CLSTN2: variants seen among roughly 807,000 people sequenced by gnomAD.
The protein encoded by CLSTN2 is calsyntenin 2, also known as calsyntenin-2.
In CLSTN2, 48 loss-of-function variants were observed where a neutral mutation model predicts 101.2. The observed-to-expected ratio is 0.47, with a 90% CI of 0.38 to 0.60. The LOEUF is 0.60. CLSTN2 is among the 20% of genes least tolerant of loss of function. The probability of loss-of-function intolerance (pLI) is 0.00; values close to 1 mark genes in which losing one functional copy is unlikely to be tolerated. For missense variants in CLSTN2, 1,160 were observed against 1,238.2 expected, an observed-to-expected ratio of 0.94 and a Z score of 0.95; for synonymous variants, 481 against 463.6, an observed-to-expected ratio of 1.04 and a Z score of -0.48.
At chr3:139,972,097 C>G (rs1031877810) in intron 1 of CLSTN2, among the ~76,000 whole-genome samples, 2 of 152,146 alleles carry the variant, frequency 1.3e-5, no homozygotes, top group Non-Finnish European at 2.9e-5. Flanking sequence ...GACCCCACCT[C>G]TACTAAAAAT....
intron 1 of CLSTN2, among the ~76,000 whole-genome samples, chr3:139,985,493 C>T (rs1000990219): frequency 1.4e-4 from 22 of 152,096 alleles, no homozygotes; most frequent in African/African-American, 5.3e-4. Context: ...CGTTTCCTAG[C>T]TGGGGTGTCT....
At chr3:140,102,481 G>A (rs527767654) in intron 1 of CLSTN2, among the ~76,000 whole-genome samples, 1 of 151,896 alleles carries the variant, frequency 6.6e-6, no homozygotes, top group East Asian at 1.9e-4. Context: ...GGTAGATCAT[G>A]AGACATATTG....
At chr3:139,979,531 C>A (rs1483847215) in intron 1 of CLSTN2, among the ~76,000 whole-genome samples, 1 of 152,092 alleles carries the variant, frequency 6.6e-6, no homozygotes, top group Non-Finnish European at 1.5e-5. Flanking sequence ...GGCACAGAGG[C>A]ACATTTCTAA....
intron 16 of CLSTN2, 65 bp from the exon 17 acceptor site, chr3:140,565,988 A>G (rs1370924534): frequency 1.2e-6 from 2 of 1,601,498 alleles, no homozygotes; most frequent in African/African-American, 1.3e-5. Context: ...ATGGAGAGAC[A>G]TAAGCTCCAA....
At chr3:140,183,344 A>G (rs888079934) in intron 2 of CLSTN2, among the ~76,000 whole-genome samples, 45 of 152,180 alleles carry the variant, frequency 3.0e-4, no homozygotes, top group African/African-American at 1.1e-3. Flanking sequence ...TCTAGTGCCC[A>G]AACCAGGAAG....
At chr3:140,271,839 A>G (rs2086744944) in intron 2 of CLSTN2, among the ~76,000 whole-genome samples, 1 of 152,220 alleles carries the variant, frequency 6.6e-6, no homozygotes, top group Non-Finnish European at 1.5e-5. Flanking sequence ...CACACGCTAC[A>G]TGTGCTTGTA....
intron 2 of CLSTN2, among the ~76,000 whole-genome samples, chr3:140,353,058 A>G (rs557590859): frequency 3.4e-4 from 52 of 152,168 alleles, no homozygotes; most frequent in African/African-American, 1.3e-3. Flanking sequence ...ATTGTATCAG[A>G]TATTAAAACT....
chr3:140,500,802 G>T (rs1481843702), intron 8 of CLSTN2, among the ~76,000 whole-genome samples: 5 of 151,942 alleles, frequency 3.3e-5, no homozygotes, highest in African/African-American at 1.2e-4. Flanking sequence ...ATATTGTGGG[G>T]GTACTTTGAA....
chr3:140,247,757 C>G (rs1347191382), intron 2 of CLSTN2, among the ~76,000 whole-genome samples: 1 of 152,096 alleles, frequency 6.6e-6, no homozygotes, highest in Non-Finnish European at 1.5e-5. Flanking sequence ...CACAGTCCCT[C>G]CTAGAGAAAG....
intron 2 of CLSTN2, among the ~76,000 whole-genome samples, chr3:140,182,729 T>G (rs1459071196): frequency 6.6e-6 from 1 of 152,170 alleles, no homozygotes; most frequent in Admixed American, 6.5e-5. Context: ...GGCTACTGCC[T>G]CTCACCTACA....
chr3:140,240,279 TATAC>T (rs1329999304), intron 2 of CLSTN2, among the ~76,000 whole-genome samples: 26 of 49,908 alleles, frequency 5.2e-4, no homozygotes, highest in Admixed American at 1.6e-3. Context: ...TATACACATA[TATAC>T]ATATATACAC....
intron 8 of CLSTN2, among the ~76,000 whole-genome samples, chr3:140,531,634 C>CG (rs909233854): frequency 1.2e-4 from 18 of 152,244 alleles, no homozygotes; most frequent in African/African-American, 3.6e-4. Context: ...GGGATAGGAC[C>CG]GGGGGTGGCA....
intron 1 of CLSTN2, among the ~76,000 whole-genome samples, chr3:140,090,022 T>C (rs1293343623): frequency 2.2e-5 from 3 of 137,518 alleles, no homozygotes; most frequent in Non-Finnish European, 4.6e-5. Flanking sequence ...TATATATTGG[T>C]TTTAGGGTGA....
chr3:140,225,011 C>G (rs1167962553), intron 2 of CLSTN2, among the ~76,000 whole-genome samples: 2 of 152,234 alleles, frequency 1.3e-5, no homozygotes. Flanking sequence ...CGCCAGCCAG[C>G]CCTCCAACAT....
At chr3:140,373,938 G>C (rs1224113654) in intron 2 of CLSTN2, among the ~76,000 whole-genome samples, 5 of 152,184 alleles carry the variant, frequency 3.3e-5, no homozygotes, top group Non-Finnish European at 7.3e-5. Flanking sequence ...TTCCCTTCCT[G>C]AACATTCAGG....
chr3:140,252,996 T>C (rs1221399056), intron 2 of CLSTN2, among the ~76,000 whole-genome samples: 1 of 151,802 alleles, frequency 6.6e-6, no homozygotes, highest in Non-Finnish European at 1.5e-5. Context: ...GCCCCACCCC[T>C]CCCCACCACG....
In CLSTN2 at chr3:140,058,800, G is replaced by C. The variant is rs2008145102; in HGVS notation, c.110-117151G>C. Among the ~76,000 whole-genome samples, 3 of 151,870 alleles carry C rather than the reference G, an allele frequency of 2.0e-5. No homozygotes were observed. The South Asian group carries it at 6.2e-4, about 32-fold the overall frequency. ...CATGACAAAAAAAAAAAAAGGTCAG[G>C]TGGGGTCCAAGACAGAATGAAGGTG... is the stretch of plus-strand genomic sequence containing the variant. On this transcript the variant is annotated intron_variant, in intron 1 of 16. Coordinates refer to ENST00000458420, the MANE Select transcript of CLSTN2 (RefSeq NM_022131.3).
chr3:140,444,425 C>T (rs759480797), intron 5 of CLSTN2, among the ~76,000 whole-genome samples: 4 of 108,642 alleles, frequency 3.7e-5, no homozygotes, highest in Non-Finnish European at 6.6e-5. Context: ...AGCAAAACTC[C>T]GTCTCAAAAA....
At chr3:140,383,669 C>T (rs1180153448) in intron 2 of CLSTN2, among the ~76,000 whole-genome samples, 1 of 152,144 alleles carries the variant, frequency 6.6e-6, no homozygotes, top group Non-Finnish European at 1.5e-5. Flanking sequence ...CTACAAATAT[C>T]CACTATATAG....
Sources: allele counts gnomAD v4.1 joint callset (sites outside exome capture counted in the v4.1 genomes callset), GRCh38; gene constraint gnomAD v4.1.1; transcripts MANE v1.5; gene names NCBI Gene and HGNC (gene_info 2026-07-23, HGNC 2026-07-21).